Variants in LRFN2 observed in about 807,000 individuals in gnomAD.
The protein encoded by LRFN2 is leucine-rich repeat and fibronectin type-III domain-containing protein 2.
In LRFN2, 18 loss-of-function variants were observed where a neutral mutation model predicts 37.3. That is an observed-to-expected ratio of 0.48 (90% CI 0.33 to 0.72). LRFN2 has a LOEUF of 0.72. LRFN2 is among the 30% of genes least tolerant of loss of function. The probability of loss-of-function intolerance (pLI) is 0.02; values close to 1 mark genes in which losing one functional copy is unlikely to be tolerated. For synonymous variants in LRFN2, 556 were observed against 466.6 expected (o/e 1.19, Z -2.47); for missense variants, 1,006 against 1,060.7 (o/e 0.95, Z 0.72).
intron 1 of LRFN2, among the ~76,000 whole-genome samples, chr6:40,530,550 A>G (rs977735649): frequency 2.0e-5 from 3 of 151,936 alleles, no homozygotes; most frequent in African/African-American, 7.3e-5. Context: ...GTTCTTCCTG[A>G]GTTTGTCCTC....
chr6:40,519,791 T>C (rs1765999500), intron 1 of LRFN2, among the ~76,000 whole-genome samples: 1 of 152,080 alleles, frequency 6.6e-6, no homozygotes, highest in African/African-American at 2.4e-5. Context: ...CAGGTGAGTC[T>C]ATAGGGCAGG....
Position 40,392,880 on chromosome 6 carries a change from A to G in LRFN2, c.1433T>C (p.Val478Ala), listed in dbSNP as rs1436860264. Reference protein sequence around the residue: ...MIPASNKAFVVNNLVSGTGYD... With the variant: ...MIPASNKAFVANNLVSGTGYD... The stretch of plus-strand genomic sequence containing the variant: ...GCCAGTCCCTGACACCAGGTTGTTG[A>G]CCACGAAGGCCTTGTTGGAGGCTGG... Residue 478 changes from valine (V) to alanine (A), a missense_variant, in exon 3 of 3, where the codon GTC (valine) becomes GCC (alanine). Val to Ala is a moderately conservative substitution (Grantham distance 64, BLOSUM62 0). Transcript: ENST00000338305. The surrounding 1 kb of genome is among the most constrained non-coding windows in gnomAD (Gnocchi z 4.7). The G allele has an allele frequency of 6.2e-7, 1 of 1,612,456 alleles. No individual in the cohort carries two copies. The highest frequency in any genetic ancestry group is 8.5e-7 in the Non-Finnish European group (1 of 1,179,322).
chr6:40,442,610 T>C (rs759474352), intron 1 of LRFN2, among the ~76,000 whole-genome samples: 20 of 151,988 alleles, frequency 1.3e-4, no homozygotes, highest in Middle Eastern at 6.8e-3. Context: ...GGGCTGGGTC[T>C]CCTCTCAGAC....
In LRFN2 at chr6:40,415,570, C is replaced by T. The variant is rs149478164; in HGVS notation, c.1400+16144G>A. Reference sequence around the variant, plus strand: ...TGGATCACCTCTTCCAGGAAGCCTTCCCTGGCTTCCCCAGGCTAGGTCAGT... The same window carrying T: ...TGGATCACCTCTTCCAGGAAGCCTTTCCTGGCTTCCCCAGGCTAGGTCAGT... On this transcript the variant is annotated intron_variant, in intron 2 of 2. Coordinates refer to ENST00000338305, the MANE Select transcript of LRFN2 (RefSeq NM_020737.3). Among the ~76,000 whole-genome samples the T allele has an allele frequency of 5.3e-5, 8 of 152,270 alleles. No homozygotes were observed. In the East Asian group the frequency reaches 1.4e-3, roughly 26 times the overall value.
chr6:40,418,360 G>A (rs1280882865), intron 2 of LRFN2, among the ~76,000 whole-genome samples: 1 of 151,968 alleles, frequency 6.6e-6, no homozygotes, highest in Non-Finnish European at 1.5e-5. Flanking sequence ...TCTTCCTCGT[G>A]TACATTTTTG....
intron 1 of LRFN2, among the ~76,000 whole-genome samples, chr6:40,565,705 C>T (rs1003940971): frequency 6.6e-6 from 1 of 151,272 alleles, no homozygotes; most frequent in Non-Finnish European, 1.5e-5. Flanking sequence ...AAACTGGATC[C>T]CTTCCTTACA....
intron 1 of LRFN2, among the ~76,000 whole-genome samples, chr6:40,519,254 C>G (rs1476538129): frequency 6.6e-6 from 1 of 152,122 alleles, no homozygotes; most frequent in African/African-American, 2.4e-5. Context: ...TCATAACAAC[C>G]CTTTAAAATC....
At chr6:40,426,937 A>C (rs534346432) in intron 2 of LRFN2, among the ~76,000 whole-genome samples, 3 of 152,330 alleles carry the variant, frequency 2.0e-5, no homozygotes, top group Admixed American at 6.5e-5. Flanking sequence ...CTATACTTCC[A>C]TTAGCGCAAC....
chr6:40,459,238 C>G (rs551160002), intron 1 of LRFN2, among the ~76,000 whole-genome samples: 1 of 152,114 alleles, frequency 6.6e-6, no homozygotes, highest in Non-Finnish European at 1.5e-5. Flanking sequence ...CCCAAGAATC[C>G]AAGGAAATTG....
chr6:40,426,176 C>T (rs1324694625), intron 2 of LRFN2, among the ~76,000 whole-genome samples: 1 of 152,184 alleles, frequency 6.6e-6, no homozygotes, highest in African/African-American at 2.4e-5. Context: ...ACAGTGGAAG[C>T]CATATTATGT....
At chr6:40,487,535 C>T (rs1024756059) in intron 1 of LRFN2, among the ~76,000 whole-genome samples, 1 of 152,208 alleles carries the variant, frequency 6.6e-6, no homozygotes. Flanking sequence ...GCACACATCC[C>T]GAAAAAGTCG....
chr6:40,444,683 T>C (rs941134795), intron 1 of LRFN2, among the ~76,000 whole-genome samples: 3 of 152,110 alleles, frequency 2.0e-5, no homozygotes, highest in East Asian at 3.9e-4. Context: ...AGACTCCTCA[T>C]CTGGGCAATT....
At chr6:40,445,805 C>G (rs925170586) in intron 1 of LRFN2, among the ~76,000 whole-genome samples, 1 of 152,144 alleles carries the variant, frequency 6.6e-6, no homozygotes, top group Non-Finnish European at 1.5e-5. Context: ...TCTTTCTGGC[C>G]CTGTGGTCTT....
At chr6:40,580,901 G>C (rs754039149) in intron 1 of LRFN2, among the ~76,000 whole-genome samples, 4 of 152,172 alleles carry the variant, frequency 2.6e-5, no homozygotes, top group Non-Finnish European at 5.9e-5. Context: ...GTATGTGAAC[G>C]TATGTGTTAG....
At chr6:40,583,705 T>C (rs892563496) in intron 1 of LRFN2, among the ~76,000 whole-genome samples, 2 of 152,052 alleles carry the variant, frequency 1.3e-5, no homozygotes, top group African/African-American at 2.4e-5. Context: ...GGCCCCTCTC[T>C]CAAATTGGAT....
intron 1 of LRFN2, among the ~76,000 whole-genome samples, chr6:40,498,000 T>C (rs1765275860): frequency 6.6e-6 from 1 of 152,146 alleles, no homozygotes; most frequent in Non-Finnish European, 1.5e-5. Context: ...CTGGGGTGTC[T>C]GCCTACTGGG....
At chr6:40,544,940 T>A (rs1766629250) in intron 1 of LRFN2, among the ~76,000 whole-genome samples, 1 of 152,126 alleles carries the variant, frequency 6.6e-6, no homozygotes, top group Non-Finnish European at 1.5e-5. Flanking sequence ...ACTGAACAAG[T>A]GCTGCCAATG....
At chr6:40,507,758 T>G (rs759402732) in intron 1 of LRFN2, among the ~76,000 whole-genome samples, 2 of 152,202 alleles carry the variant, frequency 1.3e-5, no homozygotes, top group Admixed American at 6.5e-5. Flanking sequence ...TGATCATGCC[T>G]CTTGTAGATT....
intron 1 of LRFN2, among the ~76,000 whole-genome samples, chr6:40,507,651 AC>A (rs758924136): frequency 6.6e-6 from 1 of 152,124 alleles, no homozygotes; most frequent in Non-Finnish European, 1.5e-5. Context: ...TGATGCCCTC[AC>A]CTGTTTTGGA....
Sources: gnomAD v4.1 joint callset for allele counts (sites outside exome capture counted in the v4.1 genomes callset) on GRCh38, gnomAD v4.1.1 for gene constraint, Gnocchi (gnomAD v3.1) non-coding constraint, MANE v1.5 for transcripts, NCBI Gene and HGNC (gene_info 2026-07-23, HGNC 2026-07-21) for gene names.